FHIT: variants seen among roughly 807,000 people sequenced by gnomAD.
FHIT encodes fragile histidine triad diadenosine triphosphatase.
In FHIT, 19 loss-of-function variants were observed where a neutral mutation model predicts 17.9. That is an observed-to-expected ratio of 1.06 (90% CI 0.74 to 1.56). FHIT has a LOEUF of 1.56. Ranked by LOEUF, FHIT falls within the 40% of genes most tolerant of loss-of-function variation. FHIT has a pLI of 0.00. For missense variants in FHIT, 248 were observed against 189.2 expected (o/e 1.31, Z -1.82); for synonymous variants, 81 against 69.7 (o/e 1.16, Z -0.81).
intron 8 of FHIT, among the ~76,000 whole-genome samples, chr3:59,871,796 G>A (rs954212835): frequency 1.3e-5 from 2 of 152,178 alleles, no homozygotes; most frequent in African/African-American, 4.8e-5. Context: ...TCCACATAGA[G>A]TTGTTTCTCA....
At chr3:60,228,910 A>G (rs1397096687) in intron 5 of FHIT, among the ~76,000 whole-genome samples, 3 of 152,148 alleles carry the variant, frequency 2.0e-5, no homozygotes, top group Admixed American at 6.5e-5. Context: ...AACATTACTG[A>G]TTTTAGAGAT....
chr3:60,328,666 A>G (rs1045186512), intron 5 of FHIT, among the ~76,000 whole-genome samples: 2 of 152,208 alleles, frequency 1.3e-5, no homozygotes, highest in Non-Finnish European at 2.9e-5. Context: ...TACTGAGTAC[A>G]GAAATGAAAA....
At chr3:60,351,315 A>G (rs1225132050) in intron 5 of FHIT, among the ~76,000 whole-genome samples, 1 of 152,190 alleles carries the variant, frequency 6.6e-6, no homozygotes, top group Non-Finnish European at 1.5e-5. Flanking sequence ...GAAGCAATAC[A>G]TTGAATTACA....
intron 5 of FHIT, among the ~76,000 whole-genome samples, chr3:60,491,184 TAAGC>T (rs1052206794): frequency 9.2e-5 from 14 of 152,124 alleles, no homozygotes; most frequent in African/African-American, 3.4e-4. Flanking sequence ...TGATTTTTAT[TAAGC>T]AATAGCAAAC....
chr3:60,371,215 T>G (rs140331116), intron 5 of FHIT, among the ~76,000 whole-genome samples: 1 of 152,194 alleles, frequency 6.6e-6, no homozygotes, highest in African/African-American at 2.4e-5. Flanking sequence ...GGAGGGAGCA[T>G]AACAAATATA....
At chr3:60,405,177 G>A (rs922796137) in intron 5 of FHIT, among the ~76,000 whole-genome samples, 2 of 152,112 alleles carry the variant, frequency 1.3e-5, no homozygotes, top group African/African-American at 4.8e-5. Context: ...TCCTCGGACT[G>A]GACTGAGAAT....
intron 2 of FHIT, among the ~76,000 whole-genome samples, chr3:61,187,765 G>A (rs1449403130): frequency 6.6e-6 from 1 of 152,186 alleles, no homozygotes; most frequent in East Asian, 1.9e-4. Flanking sequence ...CTAGAACTGA[G>A]GATTAAGAAA....
At chr3:60,033,035 T>A (rs1044477718) in intron 5 of FHIT, among the ~76,000 whole-genome samples, 17 of 152,078 alleles carry the variant, frequency 1.1e-4, no homozygotes, top group Non-Finnish European at 1.8e-4. Context: ...AAAAAAAAAT[T>A]CAATGGCATA....
intron 5 of FHIT, among the ~76,000 whole-genome samples, chr3:60,468,711 T>C (rs2032927880): frequency 1.3e-5 from 2 of 152,168 alleles, no homozygotes; most frequent in Admixed American, 1.3e-4. Context: ...ATGAGTAGTT[T>C]ACATACTACA....
intron 5 of FHIT, among the ~76,000 whole-genome samples, chr3:60,028,109 G>C (rs1051320455): frequency 6.6e-6 from 1 of 152,102 alleles, no homozygotes; most frequent in South Asian, 2.1e-4. Context: ...TGGTGGAACT[G>C]GCACAACTGG....
At chr3:60,302,266 T>C (rs1708486337) in intron 5 of FHIT, among the ~76,000 whole-genome samples, 1 of 152,108 alleles carries the variant, frequency 6.6e-6, no homozygotes, top group Non-Finnish European at 1.5e-5. Context: ...ATGCAGCTTC[T>C]GACTAAATGT....
chr3:61,186,642 G>A (rs974023990), intron 2 of FHIT, among the ~76,000 whole-genome samples: 8 of 152,182 alleles, frequency 5.3e-5, no homozygotes, highest in African/African-American at 1.9e-4. Context: ...GTTAGTTTTT[G>A]AGGGTCAACC....
chr3:60,031,700 A>C (rs763053596), intron 5 of FHIT, among the ~76,000 whole-genome samples: 8 of 152,112 alleles, frequency 5.3e-5, no homozygotes, highest in Non-Finnish European at 7.3e-5. Context: ...AATATAACTG[A>C]CTCATGCAAA....
At position 60,468,300 on chromosome 3, in the gene FHIT, A is replaced by G. The variant is rs2032907293; in HGVS notation, c.103+68560T>C. ...GTTTAGTCCATTTACATTCAATGTT[A>G]TTATTGATGAATAGGATTTACTCCT... On this transcript the variant is annotated intron_variant, in intron 5 of 9. Transcript: ENST00000492590. Among the ~76,000 whole-genome samples the G allele has an allele frequency of 1.3e-5, 2 of 152,092 alleles. 1 individual carries two copies. Among genetic ancestry groups the G allele is most frequent in the South Asian group, 4.1e-4 (2 of 4,822 alleles).
chr3:60,048,575 A>T (rs936804797), intron 5 of FHIT, among the ~76,000 whole-genome samples: 4 of 152,102 alleles, frequency 2.6e-5, no homozygotes, highest in African/African-American at 9.7e-5. Context: ...ACCACAACGC[A>T]CCCCATAACA....
intron 8 of FHIT, among the ~76,000 whole-genome samples, chr3:59,769,433 C>T (rs1409115959): frequency 6.6e-6 from 1 of 152,204 alleles, no homozygotes; most frequent in Non-Finnish European, 1.5e-5. Context: ...GCCTGCTAGT[C>T]TCTACAAAGT....
At chr3:59,979,455 T>G (rs1327659662) in intron 7 of FHIT, among the ~76,000 whole-genome samples, 1 of 152,066 alleles carries the variant, frequency 6.6e-6, no homozygotes, top group Non-Finnish European at 1.5e-5. Flanking sequence ...CTTATAAAAA[T>G]TACTTGACAG....
At chr3:60,716,252 T>TAC (rs1444776317) in intron 4 of FHIT, among the ~76,000 whole-genome samples, 1 of 151,362 alleles carries the variant, frequency 6.6e-6, no homozygotes, top group African/African-American at 2.4e-5. Context: ...CAATAAAACT[T>TAC]ACACACACAC....
At chr3:60,740,488 G>A (rs2042219858) in intron 4 of FHIT, among the ~76,000 whole-genome samples, 1 of 152,158 alleles carries the variant, frequency 6.6e-6, no homozygotes, top group South Asian at 2.1e-4. Flanking sequence ...TGTTAGCATT[G>A]TTATATTGAT....
Sources: gnomAD v4.1 joint callset for allele counts (sites outside exome capture counted in the v4.1 genomes callset) on GRCh38, gnomAD v4.1.1 for gene constraint, MANE v1.5 for transcripts, NCBI Gene and HGNC (gene_info 2026-07-23, HGNC 2026-07-21) for gene names.